Variants in CDH13 observed in about 807,000 individuals in gnomAD.
CDH13 encodes cadherin 13, also known as cadherin-13.
Under a neutral mutation model 63.8 loss-of-function variants are expected in CDH13, and 24 were observed. The observed-to-expected ratio is 0.38, with a 90% confidence interval of 0.27 to 0.53. The LOEUF (loss-of-function observed/expected upper bound fraction) is 0.53, where lower values mean the gene tolerates loss of function less well. Among genes scored for constraint, CDH13 ranks in the 20% least tolerant of loss-of-function variants. The probability of loss-of-function intolerance (pLI) is 0.85; values close to 1 mark genes in which losing one functional copy is unlikely to be tolerated. For synonymous variants in CDH13, 503 were observed against 355.3 expected, an observed-to-expected ratio of 1.42 and a Z score of -4.67; for missense variants, 1,049 against 903.1, an observed-to-expected ratio of 1.16 and a Z score of -2.07.
Position 83,410,537 on chromosome 16 carries a change from T to G in CDH13, c.781+65531T>G, listed in dbSNP as rs2092110336. Among the ~76,000 whole-genome samples, 3 of 152,156 alleles carry G rather than the reference T, an allele frequency of 2.0e-5. No individual in the cohort carries two copies. The South Asian group carries it at 6.2e-4, about 32-fold the overall frequency. ...TGAGAAAAGAGAAAAAATAGTATATTGAAGGCAATACCCACCCCCTATATT... is the reference window on the plus strand; with the variant it reads ...TGAGAAAAGAGAAAAAATAGTATATGGAAGGCAATACCCACCCCCTATATT... On this transcript the variant is annotated intron_variant, in intron 6 of 13. Coordinates refer to ENST00000567109, the MANE Select transcript of CDH13 (RefSeq NM_001257.5).
At chr16:82,689,765 G>A (rs114328678) in intron 1 of CDH13, among the ~76,000 whole-genome samples, 178 of 152,044 alleles carry the variant, frequency 1.2e-3, no homozygotes, top group African/African-American at 4.2e-3. Context: ...CTGTCTGCTT[G>A]AAAGGGCAGA....
chr16:82,792,313 G>T (rs183414638), intron 1 of CDH13, among the ~76,000 whole-genome samples: 1 of 152,132 alleles, frequency 6.6e-6, no homozygotes, highest in Non-Finnish European at 1.5e-5. Flanking sequence ...TTTCTCGCTT[G>T]CTTGGAAAAT....
At chr16:83,647,162 T>C (rs1466993938) in intron 8 of CDH13, among the ~76,000 whole-genome samples, 1 of 151,346 alleles carries the variant, frequency 6.6e-6, no homozygotes, top group Non-Finnish European at 1.5e-5. Context: ...CACAAAAAAT[T>C]AGCCAGGCGT....
intron 2 of CDH13, among the ~76,000 whole-genome samples, chr16:82,949,756 T>G (rs1905102404): frequency 6.6e-6 from 1 of 152,124 alleles, no homozygotes. Flanking sequence ...ACCTCTTTGG[T>G]CTAAGGGCAT....
At chr16:83,450,652 C>T (rs942961831) in intron 6 of CDH13, among the ~76,000 whole-genome samples, 7 of 152,256 alleles carry the variant, frequency 4.6e-5, no homozygotes, top group African/African-American at 1.7e-4. Context: ...AGGCAGATCA[C>T]GAGGTCAGGA....
At chr16:83,751,967 G>C (rs958181911) in intron 11 of CDH13, among the ~76,000 whole-genome samples, 2 of 152,238 alleles carry the variant, frequency 1.3e-5, no homozygotes, top group African/African-American at 4.8e-5. Flanking sequence ...CCATGCAGAA[G>C]AGATGCGACT....
chr16:83,607,958 G>A (rs913947768), intron 8 of CDH13, among the ~76,000 whole-genome samples: 1 of 152,024 alleles, frequency 6.6e-6, no homozygotes, highest in African/African-American at 2.4e-5. Context: ...CATGGTTGAT[G>A]CCCAACAAAT....
intron 1 of CDH13, chr16:82,639,414 G>A: frequency 6.5e-7 from 1 of 1,535,628 alleles, no homozygotes; most frequent in South Asian, 1.2e-5. Context: ...ATCCCAGTGA[G>A]AATGGCCCAC....
chr16:83,031,365 CATGTAT>C (rs1376075402), intron 2 of CDH13, among the ~76,000 whole-genome samples: 1 of 125,390 alleles, frequency 8.0e-6, no homozygotes, highest in Non-Finnish European at 1.7e-5. Flanking sequence ...TATACATGTA[CATGTAT>C]ATGTATACAC....
At chr16:82,710,403 G>C (rs1424898172) in intron 1 of CDH13, among the ~76,000 whole-genome samples, 7 of 145,746 alleles carry the variant, frequency 4.8e-5, no homozygotes, top group Non-Finnish European at 1.1e-4. Context: ...CATGGTGGTG[G>C]GTGCTGTAGT....
intron 2 of CDH13, among the ~76,000 whole-genome samples, chr16:82,893,398 T>C (rs1181563487): frequency 6.6e-6 from 1 of 152,234 alleles, no homozygotes; most frequent in Non-Finnish European, 1.5e-5. Context: ...GAACTGAGTG[T>C]GCAAAGCAAA....
chr16:83,412,424 T>C (rs1428800718), intron 6 of CDH13, among the ~76,000 whole-genome samples: 1 of 152,102 alleles, frequency 6.6e-6, no homozygotes, highest in African/African-American at 2.4e-5. Context: ...TTCACAGCAA[T>C]GCACTCCAGC....
rs185350104 is a variant in CDH13, at chr16:82,905,387, T to C, written c.157+46914T>C. ...GTTTTTAAGGAGGAAGAAGTTACCA[T>C]AAGAAAAAGAAAAACAGGACTTGGG... On this transcript the variant is annotated intron_variant, in intron 2 of 13. Transcript: ENST00000567109. Among the ~76,000 whole-genome samples the C allele has an allele frequency of 6.6e-5, 10 of 151,768 alleles. No individual in the cohort carries two copies. The East Asian group carries it at 1.9e-3, about 29-fold the overall frequency.
intron 1 of CDH13, among the ~76,000 whole-genome samples, chr16:82,638,887 T>A (rs1909037151): frequency 6.7e-6 from 1 of 149,452 alleles, no homozygotes; most frequent in Non-Finnish European, 1.5e-5. Flanking sequence ...AGTACCTCCA[T>A]GTAACCACAA....
intron 4 of CDH13, among the ~76,000 whole-genome samples, chr16:83,188,897 G>A (rs903552108): frequency 6.6e-6 from 1 of 152,080 alleles, no homozygotes; most frequent in Admixed American, 6.6e-5. Context: ...CACTGACAAA[G>A]ATATTGGGCT....
chr16:83,265,533 CTGT>C (rs1907504146), intron 5 of CDH13, among the ~76,000 whole-genome samples: 1 of 152,020 alleles, frequency 6.6e-6, no homozygotes, highest in South Asian at 2.1e-4. Context: ...TATGACCACT[CTGT>C]TGTTGTATTA....
At chr16:82,878,920 G>C (rs759017917) in intron 2 of CDH13, among the ~76,000 whole-genome samples, 5 of 152,132 alleles carry the variant, frequency 3.3e-5, no homozygotes, top group East Asian at 1.9e-4. Context: ...TGCTGCATGA[G>C]ATCCTCACCT....
intron 8 of CDH13, among the ~76,000 whole-genome samples, chr16:83,607,950 T>C (rs900894446): frequency 2.0e-5 from 3 of 152,234 alleles, no homozygotes; most frequent in Non-Finnish European, 2.9e-5. Context: ...AGCTAGAACA[T>C]GGTTGATGCC....
rs971415015 is a variant in CDH13 at position 82,873,540 on chromosome 16, C to G, written c.157+15067C>G. On this transcript the variant is annotated intron_variant, in intron 2 of 13. Coordinates refer to ENST00000567109, the MANE Select transcript of CDH13 (RefSeq NM_001257.5). ...TGGGCTCCTAGGTTATATTGCCTGT[C>G]TCTGTCACTCACAATGGGTGGTGTT... Among the ~76,000 whole-genome samples, 5 of 152,164 alleles carry G rather than the reference C, an allele frequency of 3.3e-5. 1 individual carries two copies. In the South Asian group the frequency reaches 1.0e-3, roughly 32 times the overall value.
Sources: allele counts gnomAD v4.1 joint callset (sites outside exome capture counted in the v4.1 genomes callset), GRCh38; gene constraint gnomAD v4.1.1; transcripts MANE v1.5; gene names NCBI Gene and HGNC (gene_info 2026-07-23, HGNC 2026-07-21).